Variants in SHC3 observed in about 807,000 individuals in gnomAD.
The protein encoded by SHC3 is SHC adaptor protein 3.
A neutral mutation model predicts 60.4 loss-of-function variants in SHC3; 15 were observed. That is an observed-to-expected ratio of 0.25 (90% CI 0.17 to 0.38). The LOEUF (loss-of-function observed/expected upper bound fraction) is 0.38. SHC3 is among the 10% of genes least tolerant of loss of function. SHC3 has a pLI of 1.00. For missense variants in SHC3, 677 were observed against 786.1 expected (o/e 0.86, Z 1.66); for synonymous variants, 294 against 325.9 (o/e 0.90, Z 1.05).
At chr9:89,083,755 C>T (rs920230417) in intron 2 of SHC3, among the ~76,000 whole-genome samples, 13 of 152,120 alleles carry the variant, frequency 8.5e-5, no homozygotes, top group African/African-American at 2.4e-4. Context: ...ATCTTGGGGA[C>T]GGCCTCTCTC....
rs1177953546 is a variant in SHC3 at position 89,056,693 on chromosome 9, T to C, written c.836-4530A>G. Among the ~76,000 whole-genome samples the C allele has an allele frequency of 2.6e-5, 4 of 152,376 alleles. No individual in the cohort carries two copies. The East Asian group carries it at 7.7e-4, about 29-fold the overall frequency. On this transcript the variant is annotated intron_variant, in intron 6 of 11. Coordinates refer to ENST00000375835, the MANE Select transcript of SHC3 (RefSeq NM_016848.6). The stretch of plus-strand genomic sequence containing the variant: ...CACATGGGCTGGCAGCAGAGAGCCC[T>C]GCCTGCTGTGCAGCCATCCTGCCCT...
chr9:89,077,963 G>T, intron 2 of SHC3, 60 bp from the exon 3 acceptor site: 1 of 1,578,958 alleles, frequency 6.3e-7, no homozygotes, highest in Non-Finnish European at 8.7e-7. Context: ...GGAACCCAGA[G>T]ATGCTACACT....
At chr9:89,107,238 C>T (rs1825875849) in intron 2 of SHC3, among the ~76,000 whole-genome samples, 1 of 152,166 alleles carries the variant, frequency 6.6e-6, no homozygotes, top group Admixed American at 6.5e-5. Flanking sequence ...TGGGAAGTCT[C>T]CCAGGCCGCA....
chr9:89,033,224 T>TA (rs1300494820), intron 11 of SHC3, among the ~76,000 whole-genome samples: 1 of 152,238 alleles, frequency 6.6e-6, no homozygotes, highest in Non-Finnish European at 1.5e-5. Context: ...GTATAATAAA[T>TA]ATGTTATTAG....
At chr9:89,064,644 C>T (rs750943515) in intron 6 of SHC3, among the ~76,000 whole-genome samples, 30 of 152,096 alleles carry the variant, frequency 2.0e-4, no homozygotes, top group South Asian at 8.3e-4. Flanking sequence ...CAGGCAGTGG[C>T]GTGGGGGATG....
intron 1 of SHC3, among the ~76,000 whole-genome samples, chr9:89,163,701 A>T (rs978762934): frequency 1.3e-5 from 2 of 151,678 alleles, no homozygotes; most frequent in Non-Finnish European, 2.9e-5. Context: ...ATATGTAACT[A>T]ACCTGCACAA....
At chr9:89,105,924 ATAT>A (rs1825852435) in intron 2 of SHC3, among the ~76,000 whole-genome samples, 2 of 152,204 alleles carry the variant, frequency 1.3e-5, no homozygotes, top group Non-Finnish European at 2.9e-5. Flanking sequence ...TCAGCAACTG[ATAT>A]TATTATACAC....
chr9:89,077,767 A>T (rs1825382355), intron 3 of SHC3, 73 bp downstream of exon 3: 1 of 1,544,940 alleles, frequency 6.5e-7, no homozygotes, highest in African/African-American at 1.4e-5. Flanking sequence ...ATTCTGTGTG[A>T]CTGAAGATAC....
rs536145049 is a variant in SHC3 at position 89,050,177 on chromosome 9, G to A, written c.962+1860C>T. ...TTTTTATTATAAAATGGTGTAGGGG[G>A]TATATGCTTGACAAATACAGTCAAA... On this transcript the variant is annotated intron_variant, in intron 7 of 11. Transcript: ENST00000375835. 7.9e-5 allele frequency among the ~76,000 whole-genome samples: 12 copies of A among 152,296 alleles called. No individual in the cohort carries two copies. The South Asian group carries it at 2.3e-3, about 29-fold the overall frequency.
At chr9:89,136,444 G>A (rs538521720) in intron 1 of SHC3, among the ~76,000 whole-genome samples, 4 of 152,230 alleles carry the variant, frequency 2.6e-5, no homozygotes, top group South Asian at 4.1e-4. Flanking sequence ...CAGAGATGGC[G>A]ATGAGAGTGA....
chr9:89,032,558 G>C (rs1209606364), intron 11 of SHC3, among the ~76,000 whole-genome samples: 1 of 152,188 alleles, frequency 6.6e-6, no homozygotes, highest in Non-Finnish European at 1.5e-5. Flanking sequence ...AAAGTAAAGT[G>C]TTCCAGACTC....
intron 2 of SHC3, among the ~76,000 whole-genome samples, chr9:89,098,128 T>C (rs142680303): frequency 2.0e-5 from 3 of 152,218 alleles, no homozygotes; most frequent in East Asian, 3.9e-4. Context: ...GAGACAGCAA[T>C]AGGCAAATTA....
chr9:89,112,482 T>C, intron 2 of SHC3, 74 bp downstream of exon 2: 3 of 1,524,858 alleles, frequency 2.0e-6, no homozygotes, highest in Non-Finnish European at 2.7e-6. Flanking sequence ...CTTCTAAAAA[T>C]GTGTCAGCTG....
rs929846344 is a variant in SHC3 at position 89,110,339 on chromosome 9, C to T, written c.545+2217G>A. On this transcript the variant is annotated intron_variant, in intron 2 of 11. Transcript: ENST00000375835. ...TTTAATAAAAGGTGTGACTGGAGTG[C>T]CTTTGGAAACCAGTTTTCCTGGTGC... 9 of 984,740 alleles carry T rather than the reference C, an allele frequency of 9.1e-6. No individual in the cohort carries two copies. The African/African-American group carries it at 1.6e-4, about 17-fold the overall frequency. 61.0% of individuals were successfully genotyped at this position (984,740 alleles called of 1,614,324 possible).
intron 7 of SHC3, among the ~76,000 whole-genome samples, chr9:89,047,681 C>T (rs1824796352): frequency 6.6e-6 from 1 of 152,140 alleles, no homozygotes; most frequent in Non-Finnish European, 1.5e-5. Flanking sequence ...CATATCAAAA[C>T]CACAACCAGA....
At chr9:89,046,790 A>G (rs1824781515) in intron 8 of SHC3, 54 bp downstream of exon 8, 1 of 1,411,440 alleles carries the variant, frequency 7.1e-7, no homozygotes. Context: ...ACAAAAGGAA[A>G]TAAAGTAGAG....
chr9:89,096,900 T>G (rs1825710782), intron 2 of SHC3, among the ~76,000 whole-genome samples: 2 of 152,096 alleles, frequency 1.3e-5, no homozygotes, highest in Admixed American at 1.3e-4. Context: ...CAAGACAGAA[T>G]GGGCAGAACC....
In SHC3 at chr9:89,009,116, C is replaced by T. The variant is rs1190583040; in HGVS notation, c.*4331G>A. On this transcript the variant is annotated 3_prime_UTR_variant, in exon 12 of 12. Transcript: ENST00000375835. The stretch of plus-strand genomic sequence containing the variant: ...CAGGCCCAGGACTGTGAGTCCTGTG[C>T]TCTTTTCTAAGTTGATCCCCAGGCC... The T allele has an allele frequency of 6.6e-6, 1 of 152,236 alleles. No homozygotes were observed. The allele number at this position is 152,236 out of a possible 1,614,324, so 9.4% of individuals were successfully genotyped here.
At chr9:89,164,212 C>T (rs558615134) in intron 1 of SHC3, among the ~76,000 whole-genome samples, 5 of 152,198 alleles carry the variant, frequency 3.3e-5, no homozygotes, top group South Asian at 2.1e-4. Flanking sequence ...TCAGGGGCTC[C>T]GGCATTGGGC....
Sources: allele counts gnomAD v4.1 joint callset (sites outside exome capture counted in the v4.1 genomes callset), GRCh38; gene constraint gnomAD v4.1.1; transcripts MANE v1.5; gene names NCBI Gene and HGNC (gene_info 2026-07-23, HGNC 2026-07-21).